The following PIAS1 variants were observed in gnomAD, a reference collection of about 807,000 sequenced individuals.
PIAS1 encodes the protein protein inhibitor of activated STAT 1.
A neutral mutation model predicts 71.3 loss-of-function variants in PIAS1; 6 were observed. The observed-to-expected ratio is 0.08, with a 90% CI of 0.05 to 0.17. The LOEUF (loss-of-function observed/expected upper bound fraction) is 0.17. Ranked by LOEUF, PIAS1 falls within the 10% of genes least tolerant of loss-of-function variation. The pLI, the probability that PIAS1 is intolerant of heterozygous loss-of-function variation, is 1.00. For missense variants in PIAS1, 555 were observed against 793.6 expected (o/e 0.70, Z 3.61); for synonymous variants, 303 against 292.9 (o/e 1.03, Z -0.35).
intron 1 of PIAS1, among the ~76,000 whole-genome samples, chr15:68,079,286 C>T (rs1426065431): frequency 6.6e-6 from 1 of 152,040 alleles, no homozygotes; most frequent in Non-Finnish European, 1.5e-5. Context: ...TCTTCTCTTC[C>T]TATACATACT....
intron 1 of PIAS1, among the ~76,000 whole-genome samples, chr15:68,084,939 A>G (rs959761427): frequency 1.3e-5 from 2 of 152,208 alleles, no homozygotes; most frequent in African/African-American, 2.4e-5. Context: ...CCTTGAGGAA[A>G]GAGTTTTCCA....
chr15:68,056,225 T>C (rs2091894515), intron 1 of PIAS1, among the ~76,000 whole-genome samples: 1 of 152,272 alleles, frequency 6.6e-6, no homozygotes, highest in Non-Finnish European at 1.5e-5. Flanking sequence ...ACATGGACCA[T>C]AGAATAAAGC....
At chr15:68,083,089 T>G (rs2092243608) in intron 1 of PIAS1, among the ~76,000 whole-genome samples, 1 of 151,602 alleles carries the variant, frequency 6.6e-6, no homozygotes, top group African/African-American at 2.4e-5. Flanking sequence ...GAGGAAGTAA[T>G]GATTTCTAAT....
intron 2 of PIAS1, among the ~76,000 whole-genome samples, chr15:68,129,833 A>ACT (rs1258037894): frequency 3.0e-5 from 4 of 134,274 alleles, no homozygotes; most frequent in Non-Finnish European, 6.5e-5. Flanking sequence ...ACACACACAC[A>ACT]CACTCTTACA....
chr15:68,127,843 A>G (rs1054829406), intron 2 of PIAS1, among the ~76,000 whole-genome samples: 3 of 151,790 alleles, frequency 2.0e-5, no homozygotes, highest in Non-Finnish European at 2.9e-5. Context: ...GCTCGCTGCA[A>G]CCTCCTCCTG....
intron 11 of PIAS1, among the ~76,000 whole-genome samples, 178 bp downstream of exon 11, chr15:68,176,832 A>AAG (rs1402907932): frequency 6.6e-6 from 1 of 152,156 alleles, no homozygotes; most frequent in East Asian, 1.9e-4. Flanking sequence ...AATGCACCAA[A>AAG]AGGGTACTTG....
At chr15:68,106,003 G>T (rs2092465219) in intron 2 of PIAS1, among the ~76,000 whole-genome samples, 1 of 152,098 alleles carries the variant, frequency 6.6e-6, no homozygotes, top group East Asian at 1.9e-4. Flanking sequence ...TTTAAAAAAT[G>T]ATGTTTACCA....
rs2093128183 is a variant in PIAS1, at chr15:68,193,195, G to T, written c.*5360G>T. The T allele has an allele frequency of 6.6e-6, 1 of 152,332 alleles. No homozygotes were observed. The highest frequency in any genetic ancestry group is 6.5e-5 in the Admixed American group (1 of 15,280). The allele number at this position is 152,332 out of a possible 1,614,324, so 9.4% of individuals were successfully genotyped here. A position where few individuals can be genotyped will look rare whatever the true frequency, so the allele number is the denominator to read the frequency against. Reference sequence around the variant, plus strand: ...CTCTCTGCCTGTTAACAGAGCCCAGGGAACAGCTCGGAATTCTCACAGCAT... The same window carrying T: ...CTCTCTGCCTGTTAACAGAGCCCAGTGAACAGCTCGGAATTCTCACAGCAT... On this transcript the variant is annotated 3_prime_UTR_variant, in exon 14 of 14. Coordinates refer to ENST00000249636, the MANE Select transcript of PIAS1 (RefSeq NM_016166.3).
rs1456498184 is a variant in PIAS1 at position 68,187,188 on chromosome 15, G to T, written c.1663-354G>T. ...AGTCATATTGACTGATAGATTTCTT[G>T]GCTAAGTATCTCCTTACTAGCAAGA... On this transcript the variant is annotated intron_variant, in intron 13 of 13. Transcript: ENST00000249636. This position sits in a 1 kb window ranked among gnomAD's most constrained non-coding sequence, Gnocchi z 5.3. Among the ~76,000 whole-genome samples the T allele has an allele frequency of 3.9e-5, 6 of 152,158 alleles. No homozygotes were observed. The highest frequency in any genetic ancestry group is 8.8e-5 in the Non-Finnish European group (6 of 68,024).
At chr15:68,088,435 A>C (rs1419699363) in intron 2 of PIAS1, among the ~76,000 whole-genome samples, 1 of 151,928 alleles carries the variant, frequency 6.6e-6, no homozygotes, top group African/African-American at 2.4e-5. Context: ...GCAATAATTG[A>C]CTATATTTGA....
chr15:68,069,288 G>T (rs1280658503), intron 1 of PIAS1, among the ~76,000 whole-genome samples: 1 of 152,076 alleles, frequency 6.6e-6, no homozygotes, highest in African/African-American at 2.4e-5. Flanking sequence ...ATTCTTTGTG[G>T]CTATAGGTAT....
At chr15:68,172,841 C>T (rs984983928) in intron 8 of PIAS1, among the ~76,000 whole-genome samples, 7 of 152,168 alleles carry the variant, frequency 4.6e-5, no homozygotes, top group African/African-American at 4.8e-5. Flanking sequence ...AGACTCAACC[C>T]GTGTTAGCTG....
chr15:68,059,555 C>CA (rs1350503599), intron 1 of PIAS1, among the ~76,000 whole-genome samples: 2 of 151,240 alleles, frequency 1.3e-5, no homozygotes, highest in African/African-American at 2.4e-5. Context: ...ACTAAAAATA[C>CA]AAAAAATTAG....
In PIAS1 at chr15:68,086,571, T is replaced by A. The variant is rs1299033715; in HGVS notation, c.290T>A (p.Leu97His). The change falls in exon 2 of 14, where the codon CTC (leucine) becomes CAC (histidine). Residue 97 changes from leucine (L) to histidine (H), a missense_variant. Physicochemically the swap from Leu to His is moderately conservative, Grantham distance 99. Coordinates refer to ENST00000249636, the MANE Select transcript of PIAS1 (RefSeq NM_016166.3). The surrounding 1 kb of genome is among the most constrained non-coding windows in gnomAD (Gnocchi z 7.2). Reference sequence around the variant, plus strand: ...TTGTCTCCATCTACCATTCCACAACTCACTTACGATGGTCACCCTGCATCA... The same window carrying A: ...TTGTCTCCATCTACCATTCCACAACACACTTACGATGGTCACCCTGCATCA... ...ATLSPSTIPQ[L>H]TYDGHPASSP... 1.2e-6 allele frequency: 2 copies of A among 1,613,804 alleles called. No homozygotes were observed. Among genetic ancestry groups the A allele is most frequent in the Non-Finnish European group, 1.7e-6 (2 of 1,179,872 alleles).
chr15:68,125,550 A>G (rs2092644380), intron 2 of PIAS1, among the ~76,000 whole-genome samples: 1 of 152,228 alleles, frequency 6.6e-6, no homozygotes, highest in Non-Finnish European at 1.5e-5. Context: ...AAAATGTTTT[A>G]TTCTATACCC....
In PIAS1 at chr15:68,054,345, C is replaced by A; in HGVS notation, c.19C>A (p.Leu7Ile). MADSAELKQMVMSLRVS... is the reference protein window; with the variant it reads MADSAEIKQMVMSLRVS... Reference sequence around the variant, plus strand: ...ACGCAAGATGGCGGACAGTGCGGAACTAAAGGTAAAGCGCAGCTCGAATTC... The same window carrying A: ...ACGCAAGATGGCGGACAGTGCGGAAATAAAGGTAAAGCGCAGCTCGAATTC... Residue 7 changes from leucine to isoleucine, a missense_variant, in exon 1 of 14, where the codon CTA (leucine) becomes ATA (isoleucine). Physicochemically the swap from Leu to Ile is conservative, Grantham distance 5. Transcript: ENST00000249636. This position sits in a 1 kb window ranked among gnomAD's most constrained non-coding sequence, Gnocchi z 4.6. 2 of 1,577,836 alleles carry A rather than the reference C, an allele frequency of 1.3e-6. No individual in the cohort carries two copies. Among genetic ancestry groups the A allele is most frequent in the East Asian group, 2.4e-5 (1 of 42,444 alleles).
At chr15:68,065,299 A>G (rs899436179) in intron 1 of PIAS1, among the ~76,000 whole-genome samples, 1 of 152,140 alleles carries the variant, frequency 6.6e-6, no homozygotes, top group Non-Finnish European at 1.5e-5. Context: ...CTTAAAAGGA[A>G]AAATAAGGCT....
intron 7 of PIAS1, among the ~76,000 whole-genome samples, chr15:68,155,716 G>A (rs2092884356): frequency 6.6e-6 from 1 of 152,140 alleles, no homozygotes; most frequent in Admixed American, 6.5e-5. Context: ...TGAATCATTT[G>A]ATTTAGTAGG....
intron 2 of PIAS1, among the ~76,000 whole-genome samples, chr15:68,087,285 C>T (rs1450812313): frequency 1.3e-5 from 2 of 151,832 alleles, no homozygotes; most frequent in Admixed American, 6.6e-5. Context: ...CTCATGATTA[C>T]GGTTATATAA....
Sources: gnomAD v4.1 joint callset for allele counts (sites outside exome capture counted in the v4.1 genomes callset) on GRCh38, gnomAD v4.1.1 for gene constraint, Gnocchi (gnomAD v3.1) non-coding constraint, MANE v1.5 for transcripts, NCBI Gene and HGNC (gene_info 2026-07-23, HGNC 2026-07-21) for gene names.